The following UNKL variants were observed in gnomAD, a reference collection of about 807,000 sequenced individuals.
UNKL encodes putative E3 ubiquitin-protein ligase UNKL.
Under a neutral mutation model 78.0 loss-of-function variants are expected in UNKL, and 60 were observed. The observed-to-expected ratio is 0.77, with a 90% confidence interval of 0.63 to 0.95. The LOEUF is 0.95. Ranked by LOEUF, UNKL falls within the 40% of genes least tolerant of loss-of-function variation. The pLI, the probability that UNKL is intolerant of heterozygous loss-of-function variation, is 0.00. For synonymous variants in UNKL, 608 were observed against 474.8 expected (o/e 1.28, Z -3.65); for missense variants, 1,159 against 1,045.7 (o/e 1.11, Z -1.49).
chr16:1,402,486 C>A (rs772914353), intron 3 of UNKL, among the ~76,000 whole-genome samples: 5 of 152,002 alleles, frequency 3.3e-5, no homozygotes, highest in South Asian at 2.1e-4. Flanking sequence ...CACAGTAAAA[C>A]CCTGTCTCTA....
At chr16:1,391,858 G>T (rs935510070) in intron 8 of UNKL, among the ~76,000 whole-genome samples, 1 of 151,672 alleles carries the variant, frequency 6.6e-6, no homozygotes, top group Admixed American at 6.6e-5. Context: ...CGGCTAATTT[G>T]TGTATTTTTA....
At chr16:1,376,586 T>C (rs9926672) in intron 10 of UNKL, among the ~76,000 whole-genome samples, 136,666 of 152,154 alleles carry the variant, frequency 0.9, 61,422 homozygotes, top group East Asian at 1. Context: ...TGTCCAAGTT[T>C]CTTCTTATAG....
rs113353757 is a variant in UNKL at position 1,380,151 on chromosome 16, G to A, written c.1264+5057C>T. 1.7e-3 allele frequency among the ~76,000 whole-genome samples: 257 copies of A among 152,354 alleles called. 3 individuals carry two copies. Among genetic ancestry groups the A allele is most frequent in the African/African-American group, 5.3e-3 (222 of 41,588 alleles). ...CTGTTCCTATGAAGTGTAAGATGAAGGAAAATGGAACCTATCAGATGGGTC... is the reference window on the plus strand; with the variant it reads ...CTGTTCCTATGAAGTGTAAGATGAAAGAAAATGGAACCTATCAGATGGGTC... On this transcript the variant is annotated intron_variant, in intron 10 of 14. Transcript: ENST00000389221.
Position 1,399,555 on chromosome 16 carries a change from A to C in UNKL, c.599-46T>G. ...TGCCTGAGCAGCGCGACTGGAAGCAATGCTGGGCAGAGGAGACCAAAGGTG... is the reference window on the plus strand; with the variant it reads ...TGCCTGAGCAGCGCGACTGGAAGCACTGCTGGGCAGAGGAGACCAAAGGTG... On this transcript the variant is annotated intron_variant, in intron 4 of 14. Coordinates refer to ENST00000389221, the MANE Select transcript of UNKL (RefSeq NM_001372107.1). The surrounding 1 kb of genome is among the most constrained non-coding windows in gnomAD (Gnocchi z 5.8). 6.4e-7 allele frequency: 1 copy of C among 1,559,954 alleles called. No homozygotes were observed. The highest frequency in any genetic ancestry group is 8.7e-7 in the Non-Finnish European group (1 of 1,155,810).
intron 11 of UNKL, 128 bp from the exon 12 acceptor site, chr16:1,370,485 T>C: frequency 2.4e-6 from 3 of 1,239,230 alleles, no homozygotes; most frequent in South Asian, 3.0e-5. Context: ...GGTGGGAATA[T>C]AGGGGCCAGG....
chr16:1,385,259 C>CG lies in UNKL; in HGVS notation c.1212dup (p.Ala405ArgfsTer26), dbSNP rs1261418820. On this transcript the variant is annotated frameshift_variant, in exon 10 of 15. Transcript: ENST00000389221. LOFTEE classifies it high-confidence loss of function. ...GCGGGGCCGAGCGGGAGGGCACGGG[C>CG]GGGGGGCGCGGGCAGCGCAGTGGGG... 9.9e-6 allele frequency: 13 copies of CG among 1,308,824 alleles called. No homozygotes were observed. Among genetic ancestry groups the CG allele is most frequent in the East Asian group, 3.2e-5 (1 of 30,856 alleles). 81.1% of individuals were successfully genotyped at this position (1,308,824 alleles called of 1,614,324 possible).
intron 13 of UNKL, 119 bp downstream of exon 13, chr16:1,367,537 G>A (rs1308160734): frequency 1.1e-5 from 6 of 534,454 alleles, no homozygotes; most frequent in Admixed American, 4.7e-5. Flanking sequence ...CCCCCCACAC[G>A]CTCACCTGAG....
intron 14 of UNKL, among the ~76,000 whole-genome samples, 193 bp downstream of exon 14, chr16:1,366,899 G>GCTCCCAGGGGGAAAGGCGT (rs2035311213): frequency 6.6e-6 from 1 of 152,300 alleles, no homozygotes; most frequent in Admixed American, 6.5e-5. Context: ...AGGAAAGGCG[G>GCTCCCAGGGGGAAAGGCGT]CTCCCAGGGA....
intron 6 of UNKL, among the ~76,000 whole-genome samples, chr16:1,396,190 C>A (rs1254626852): frequency 6.6e-6 from 1 of 151,694 alleles, no homozygotes; most frequent in Non-Finnish European, 1.5e-5. Flanking sequence ...GATGTGCCCA[C>A]CTCAGCCTTC....
chr16:1,374,940 C>T (rs970550739), intron 10 of UNKL, among the ~76,000 whole-genome samples: 4 of 152,234 alleles, frequency 2.6e-5, no homozygotes, highest in Non-Finnish European at 4.4e-5. Flanking sequence ...CTGCCCTAGC[C>T]GCACATGAGA....
rs544206139 is a variant in UNKL at position 1,395,937 on chromosome 16, C to T, written c.852+1241G>A. 3.0e-5 allele frequency: 11 copies of T among 362,358 alleles called. No individual in the cohort carries two copies. The East Asian group carries it at 8.3e-4, about 27-fold the overall frequency. 22.4% of individuals were successfully genotyped at this position (362,358 alleles called of 1,614,324 possible). On this transcript the variant is annotated intron_variant, in intron 6 of 14. Coordinates refer to ENST00000389221, the MANE Select transcript of UNKL (RefSeq NM_001372107.1). ...CTTCCCAGCCCCTGCACGCCTCCCC[C>T]TTGGCTGAGGATTTTACTTTTTTTA... is the stretch of plus-strand genomic sequence containing the variant.
chr16:1,405,488 A>G (rs533169201), intron 2 of UNKL, among the ~76,000 whole-genome samples: 12 of 151,906 alleles, frequency 7.9e-5, no homozygotes, highest in Non-Finnish European at 1.6e-4. Flanking sequence ...GAGGCAGGGA[A>G]TTACTTGAAC....
rs538880405 is a variant in UNKL at position 1,405,501 on chromosome 16, G to A, written c.288-2157C>T. 1.6e-3 allele frequency among the ~76,000 whole-genome samples: 247 copies of A among 152,046 alleles called. 1 individual carries two copies. The highest frequency in any genetic ancestry group is 5.5e-3 in the African/African-American group (229 of 41,468). ...CTGAGGCAGGGAATTACTTGAACCCGGGAGGCGGGGGTTGCAGTGAACCGA... is the reference window on the plus strand; with the variant it reads ...CTGAGGCAGGGAATTACTTGAACCCAGGAGGCGGGGGTTGCAGTGAACCGA... On this transcript the variant is annotated intron_variant, in intron 2 of 14. Transcript: ENST00000389221.
chr16:1,376,732 G>A (rs796581465), intron 10 of UNKL, among the ~76,000 whole-genome samples: 8 of 152,040 alleles, frequency 5.3e-5, no homozygotes, highest in South Asian at 2.1e-4. Flanking sequence ...CTGATGCTGC[G>A]GATAGCACGG....
At chr16:1,407,933 T>TGGTG (rs2037843423) in intron 2 of UNKL, among the ~76,000 whole-genome samples, 1 of 151,812 alleles carries the variant, frequency 6.6e-6, no homozygotes, top group African/African-American at 2.4e-5. Flanking sequence ...AGGCTGGGCA[T>TGGTG]GGTGCCTCAG....
At position 1,366,308 on chromosome 16, in the gene UNKL, G is replaced by A; in HGVS notation, c.2134C>T (p.Leu712Phe). The A allele has an allele frequency of 1.2e-6, 2 of 1,602,366 alleles. No individual in the cohort carries two copies. Among genetic ancestry groups the A allele is most frequent in the South Asian group, 1.1e-5 (1 of 89,282 alleles). ...GCGGTGGCCGCACACGGCTCACAGA[G>A]GATGTGGTGCTGACAGGGCCGCAGG... is the stretch of plus-strand genomic sequence containing the variant. ...AVLRPCQHHI[L>F]CEPCAATAPE... Residue 712 changes from leucine to phenylalanine, a missense_variant, in exon 15 of 15, where the codon CTC becomes TTC. Coordinates refer to ENST00000389221, the MANE Select transcript of UNKL (RefSeq NM_001372107.1).
rs377088453 is a variant in UNKL, at chr16:1,383,527, G to C, written c.1264+1681C>G. ...GGCTTTCCTCGCAGACACCACTCAGGATGGGACTGGTCTAGTGTCCTGCCG... is the reference window on the plus strand; with the variant it reads ...GGCTTTCCTCGCAGACACCACTCAGCATGGGACTGGTCTAGTGTCCTGCCG... On this transcript the variant is annotated intron_variant, in intron 10 of 14. Coordinates refer to ENST00000389221, the MANE Select transcript of UNKL (RefSeq NM_001372107.1). The C allele has an allele frequency of 8.5e-4, 257 of 302,880 alleles. 1 individual carries two copies. Among genetic ancestry groups the C allele is most frequent in the Non-Finnish European group, 1.4e-3 (207 of 143,262 alleles). 18.8% of individuals were successfully genotyped at this position (302,880 alleles called of 1,614,324 possible).
chr16:1,364,833 C>G lies in UNKL; in HGVS notation c.*1407G>C, dbSNP rs1023247208. On this transcript the variant is annotated 3_prime_UTR_variant, in exon 15 of 15. Transcript: ENST00000389221. ...CCCCGGACCCTGGCGCACACACGGC[C>G]CGAGCATCTCCCACACGAGCAGGAC... The G allele has an allele frequency of 1.3e-5, 2 of 152,240 alleles. No homozygotes were observed. The highest frequency in any genetic ancestry group is 4.8e-5 in the African/African-American group (2 of 41,440). 9.4% of individuals were successfully genotyped at this position (152,240 alleles called of 1,614,324 possible). A position where few individuals can be genotyped will look rare whatever the true frequency, so the allele number is the denominator to read the frequency against.
intron 6 of UNKL, among the ~76,000 whole-genome samples, chr16:1,396,248 GTGTTT>G (rs749831741): frequency 7.1e-5 from 9 of 126,828 alleles, no homozygotes; most frequent in South Asian, 5.1e-4. Context: ...GCCTGAACAT[GTGTTT>G]TGTTTTGTTT....
Sources: gnomAD v4.1 joint callset for allele counts (sites outside exome capture counted in the v4.1 genomes callset) on GRCh38, gnomAD v4.1.1 for gene constraint, Gnocchi (gnomAD v3.1) non-coding constraint, MANE v1.5 for transcripts, NCBI Gene and HGNC (gene_info 2026-07-23, HGNC 2026-07-21) for gene names.